ZNF558: variants seen among roughly 807,000 people sequenced by gnomAD.
ZNF558 encodes zinc finger protein 558.
ZNF558 carries 23 observed loss-of-function variants against 37.6 expected under a neutral mutation model. That is an observed-to-expected ratio of 0.61 (90% confidence interval 0.44 to 0.87). The LOEUF (loss-of-function observed/expected upper bound fraction) is 0.87, where lower values mean the gene tolerates loss of function less well. Ranked by LOEUF, ZNF558 falls within the 40% of genes least tolerant of loss-of-function variation. The pLI is 0.00. For synonymous variants in ZNF558, 189 were observed against 174.4 expected (o/e 1.08, Z -0.66); for missense variants, 429 against 483.7 (o/e 0.89, Z 1.06).
At chr19:8,820,116 A>G (rs138491975) in intron 7 of ZNF558, among the ~76,000 whole-genome samples, 19 of 152,378 alleles carry the variant, frequency 1.2e-4, no homozygotes, top group African/African-American at 3.8e-4. Context: ...ACCTACTGGT[A>G]TGAGTATAAT....
Position 8,811,023 on chromosome 19 carries a change from T to G in ZNF558, c.*258A>C. 2.5e-6 allele frequency: 1 copy of G among 396,606 alleles called. No individual in the cohort carries two copies. 24.6% of individuals were successfully genotyped at this position (396,606 alleles called of 1,614,324 possible). A position where few individuals can be genotyped will look rare whatever the true frequency, so the allele number is the denominator to read the frequency against. ...TTCATCAGTAAAGATGTTAGATGAC[T>G]ATAGCTTTGGCTGACATCTTGATTG... On this transcript the variant is annotated 3_prime_UTR_variant, in exon 10 of 10. Coordinates refer to ENST00000601372, the MANE Select transcript of ZNF558 (RefSeq NM_144693.3).
At chr19:8,823,391 T>C (rs569099661) in intron 4 of ZNF558, among the ~76,000 whole-genome samples, 2 of 37,586 alleles carry the variant, frequency 5.3e-5, no homozygotes, top group East Asian at 1.5e-3. Context: ...CTCTCCTGCC[T>C]CGGTCACCCC....
chr19:8,811,165 C>A lies in ZNF558; in HGVS notation c.*116G>T. The A allele has an allele frequency of 8.8e-7, 1 of 1,129,950 alleles. No homozygotes were observed. The highest frequency in any genetic ancestry group is 1.8e-5 in the South Asian group (1 of 55,788). The allele number at this position is 1,129,950 out of a possible 1,614,324, so 70.0% of individuals were successfully genotyped here. A position where few individuals can be genotyped will look rare whatever the true frequency, so the allele number is the denominator to read the frequency against. On this transcript the variant is annotated 3_prime_UTR_variant, in exon 10 of 10. Coordinates refer to ENST00000601372, the MANE Select transcript of ZNF558 (RefSeq NM_144693.3). ...TTCGTGTTTGAAGCCACAAAATTTG[C>A]GGGGATCATTTGTTATGCTGCAACA... is the stretch of plus-strand genomic sequence containing the variant.
chr19:8,832,223 C>T lies in ZNF558; in HGVS notation c.-607G>A, dbSNP rs1348586181. 1 of 152,202 alleles carries T rather than the reference C, an allele frequency of 6.6e-6. No individual in the cohort carries two copies. The highest frequency in any genetic ancestry group is 6.5e-5 in the Admixed American group (1 of 15,284). 9.4% of individuals were successfully genotyped at this position (152,202 alleles called of 1,614,324 possible). ...CAGTCGCTCACCGAGCCCGGCCCCTCCCGCGGGGCCAAAAGCGCCGACTCG... is the reference window on the plus strand; with the variant it reads ...CAGTCGCTCACCGAGCCCGGCCCCTTCCGCGGGGCCAAAAGCGCCGACTCG... On this transcript the variant is annotated 5_prime_UTR_variant, in exon 1 of 10. Coordinates refer to ENST00000601372, the MANE Select transcript of ZNF558 (RefSeq NM_144693.3).
intron 1 of ZNF558, among the ~76,000 whole-genome samples, chr19:8,831,710 A>C (rs1169760721): frequency 6.6e-6 from 1 of 152,212 alleles, no homozygotes; most frequent in African/African-American, 2.4e-5. Flanking sequence ...TAGAGGCCCT[A>C]TTAAGTGACT....
At chr19:8,835,590 A>G (rs568183916), upstream of ZNF558, among the ~76,000 whole-genome samples, 16 of 152,360 alleles carry the variant, frequency 1.1e-4, no homozygotes, top group African/African-American at 2.9e-4. Context: ...GGATTGTAAA[A>G]TGGTGCACCC....
upstream of ZNF558, among the ~76,000 whole-genome samples, chr19:8,832,697 C>T (rs562558969): frequency 6.7e-6 from 1 of 149,688 alleles, no homozygotes; most frequent in South Asian, 2.1e-4. Context: ...AGGGTCGGGG[C>T]TGTGGGTGGG....
At chr19:8,832,990 CG>C (rs1457721109), upstream of ZNF558, 1 of 110,474 alleles carries the variant, frequency 9.1e-6, no homozygotes, top group East Asian at 2.6e-4. Context: ...AGCCTGGGGG[CG>C]GGGCTGACTG....
In ZNF558 at chr19:8,832,252, G is replaced by A. The variant is rs572768970; in HGVS notation, c.-636C>T. The A allele has an allele frequency of 6.6e-6, 1 of 152,058 alleles. No homozygotes were observed. The highest frequency in any genetic ancestry group is 2.4e-5 in the African/African-American group (1 of 41,414). 9.4% of individuals were successfully genotyped at this position (152,058 alleles called of 1,614,324 possible). On this transcript the variant is annotated 5_prime_UTR_variant, in exon 1 of 10. Transcript: ENST00000601372. ...CGGGGCCAAAAGCGCCGACTCGCGG[G>A]GACGGAGGGACTCGCTCCCCGCTGC...
chr19:8,833,696 C>T (rs2044416071), upstream of ZNF558, among the ~76,000 whole-genome samples: 2 of 152,202 alleles, frequency 1.3e-5, no homozygotes, highest in African/African-American at 4.8e-5. Context: ...CGTTAGATAC[C>T]ACTAAGTGCT....
chr19:8,823,865 C>G (rs540787598), intron 4 of ZNF558: 1 of 152,356 alleles, frequency 6.6e-6, no homozygotes, highest in Non-Finnish European at 1.5e-5. Flanking sequence ...TCTGGAATAA[C>G]ACGGTCACCA....
upstream of ZNF558, among the ~76,000 whole-genome samples, chr19:8,835,126 A>C (rs2044441456): frequency 6.6e-6 from 1 of 150,846 alleles, no homozygotes; most frequent in Non-Finnish European, 1.5e-5. Flanking sequence ...ATTTTGGCTC[A>C]CTGCATCCTC....
rs1408190377 is a variant in ZNF558 at position 8,810,018 on chromosome 19, T to C, written c.*1263A>G. 6.6e-6 allele frequency: 1 copy of C among 152,186 alleles called. No individual in the cohort carries two copies. Among genetic ancestry groups the C allele is most frequent in the East Asian group, 1.9e-4 (1 of 5,206 alleles). The allele number at this position is 152,186 out of a possible 1,614,324, so 9.4% of individuals were successfully genotyped here. A position where few individuals can be genotyped will look rare whatever the true frequency, so the allele number is the denominator to read the frequency against. ...AAATTTTCCAATATTAATATACTCA[T>C]AGGTTTTGCATCCAGGGAGAAGTTC... On this transcript the variant is annotated 3_prime_UTR_variant, in exon 10 of 10. Coordinates refer to ENST00000601372, the MANE Select transcript of ZNF558 (RefSeq NM_144693.3).
chr19:8,829,646 A>G (rs181131355), intron 2 of ZNF558, among the ~76,000 whole-genome samples: 52 of 152,292 alleles, frequency 3.4e-4, no homozygotes, highest in African/African-American at 1.2e-3. Context: ...GACCTGACTC[A>G]TGGAGGCGAC....
intron 2 of ZNF558, among the ~76,000 whole-genome samples, chr19:8,826,337 G>A (rs1285016696): frequency 6.6e-6 from 1 of 151,914 alleles, no homozygotes; most frequent in East Asian, 1.9e-4. Flanking sequence ...ATATTACACA[G>A]TAATATATAA....
rs2043724010 is a variant in ZNF558 at position 8,808,715 on chromosome 19, A to G, written c.*2566T>C. ...GCATCCTGCTGGAAGTTAACAGAAC[A>G]CCACCTCAAAAACAAACAACAGATC... On this transcript the variant is annotated 3_prime_UTR_variant, in exon 10 of 10. Coordinates refer to ENST00000601372, the MANE Select transcript of ZNF558 (RefSeq NM_144693.3). The G allele has an allele frequency of 6.6e-6, 1 of 152,190 alleles. No homozygotes were observed. 9.4% of individuals were successfully genotyped at this position (152,190 alleles called of 1,614,324 possible).
Position 8,809,103 on chromosome 19 carries a change from G to C in ZNF558, c.*2178C>G, listed in dbSNP as rs1487877250. On this transcript the variant is annotated 3_prime_UTR_variant, in exon 10 of 10. Transcript: ENST00000601372. ...CTAGGGGTTTCTTTTAGTCACATAA[G>C]AAGTATAAGAATAAGGAGTCCAGAG... 4 of 152,210 alleles carry C rather than the reference G, an allele frequency of 2.6e-5. No homozygotes were observed. The highest frequency in any genetic ancestry group is 7.2e-5 in the African/African-American group (3 of 41,446). The allele number at this position is 152,210 out of a possible 1,614,324, so 9.4% of individuals were successfully genotyped here. A position where few individuals can be genotyped will look rare whatever the true frequency, so the allele number is the denominator to read the frequency against.
At chr19:8,836,755 G>C (rs1257261552), upstream of ZNF558, among the ~76,000 whole-genome samples, 1 of 152,216 alleles carries the variant, frequency 6.6e-6, no homozygotes, top group Non-Finnish European at 1.5e-5. Context: ...GCTGCCCAAA[G>C]TGCTGGGATT....
rs1419792181 is a variant in ZNF558, at chr19:8,809,306, G to T, written c.*1975C>A. The T allele has an allele frequency of 1.3e-5, 2 of 152,230 alleles. No homozygotes were observed. Among genetic ancestry groups the T allele is most frequent in the African/African-American group, 2.4e-5 (1 of 41,452 alleles). 9.4% of individuals were successfully genotyped at this position (152,230 alleles called of 1,614,324 possible). On this transcript the variant is annotated 3_prime_UTR_variant, in exon 10 of 10. Coordinates refer to ENST00000601372, the MANE Select transcript of ZNF558 (RefSeq NM_144693.3). ...AATATGTGAGGAGAACAAGCCAGGA[G>T]ATGTTCCACACAGTGACTTCGACTT...
Sources: gnomAD v4.1 joint callset for allele counts (sites outside exome capture counted in the v4.1 genomes callset) on GRCh38, gnomAD v4.1.1 for gene constraint, MANE v1.5 for transcripts, NCBI Gene and HGNC (gene_info 2026-07-23, HGNC 2026-07-21) for gene names.